DST: variants seen among roughly 807,000 people sequenced by gnomAD.
DST encodes the protein dystonin.
In DST, 253 loss-of-function variants were observed where a neutral mutation model predicts 875.2. That is an observed-to-expected ratio of 0.29 (90% confidence interval 0.26 to 0.32). The LOEUF (loss-of-function observed/expected upper bound fraction) is 0.32, where lower values mean the gene tolerates loss of function less well. Ranked by LOEUF, DST falls within the 10% of genes least tolerant of loss-of-function variation. The pLI, the probability that DST is intolerant of heterozygous loss-of-function variation, is 1.00. For synonymous variants in DST, 3,124 were observed against 3,197.1 expected (o/e 0.98, Z 0.77); for missense variants, 8,287 against 9,111.6 (o/e 0.91, Z 3.68).
chr6:56,803,308 G>A (rs1215430832), intron 4 of DST, among the ~76,000 whole-genome samples: 1 of 152,134 alleles, frequency 6.6e-6, no homozygotes, highest in Non-Finnish European at 1.5e-5. Context: ...TAAAATTTAT[G>A]CTGCAATCTT....
At chr6:56,521,254 A>G (rs903190499) in intron 69 of DST, among the ~76,000 whole-genome samples, 2 of 152,040 alleles carry the variant, frequency 1.3e-5, no homozygotes, top group African/African-American at 4.8e-5. Flanking sequence ...TAAGACTGAG[A>G]AAAACAGTTC....
At chr6:56,734,615 C>T (rs571389007) in intron 5 of DST, among the ~76,000 whole-genome samples, 6 of 152,098 alleles carry the variant, frequency 3.9e-5, no homozygotes, top group Non-Finnish European at 4.4e-5. Context: ...AATAACTCCA[C>T]GAAATTACAT....
At chr6:56,773,890 G>T (rs918988225) in intron 4 of DST, among the ~76,000 whole-genome samples, 2 of 152,052 alleles carry the variant, frequency 1.3e-5, no homozygotes, top group African/African-American at 4.8e-5. Context: ...GGCCGAGGCG[G>T]GTGGATCATT....
At chr6:56,725,423 G>A (rs773482591) in intron 5 of DST, among the ~76,000 whole-genome samples, 15 of 152,142 alleles carry the variant, frequency 9.9e-5, no homozygotes, top group Non-Finnish European at 2.2e-4. Context: ...AGTGAATGAG[G>A]TTCCCATCAG....
intron 15 of DST, chr6:56,642,972 T>C: frequency 7.3e-7 from 1 of 1,376,184 alleles, no homozygotes; most frequent in Non-Finnish European, 9.6e-7. Flanking sequence ...TGATAACTAT[T>C]CAAAAGAATC....
chr6:56,689,668 G>T (rs998392509), intron 9 of DST, among the ~76,000 whole-genome samples: 3 of 152,106 alleles, frequency 2.0e-5, no homozygotes, highest in African/African-American at 7.2e-5. Context: ...CTGACCCTTA[G>T]AATCACCTAC....
chr6:56,848,675 T>A (rs1254619130), intron 4 of DST, among the ~76,000 whole-genome samples: 2 of 152,180 alleles, frequency 1.3e-5, no homozygotes, highest in African/African-American at 4.8e-5. Context: ...CCCAAGTCTA[T>A]CCTCCATGTA....
chr6:56,476,184 T>C lies in DST; in HGVS notation c.21829A>G (p.Ile7277Val). ...GCAATGAGTGCTTTCACCTCTTCGATCTCCTGGGGGATGACTTCTTTATCC... is the reference window on the plus strand; with the variant it reads ...GCAATGAGTGCTTTCACCTCTTCGACCTCCTGGGGGATGACTTCTTTATCC... ...DKDKEVIPQE[I>V]EEVKALIAEH... Residue 7277 changes from isoleucine to valine, a missense_variant, in exon 92 of 104, where the codon ATC becomes GTC. Around this residue, in one of 10 missense-constraint regions of DST, gnomAD observed 1,292 missense variants for 1,552.7 expected, o/e 0.83. Coordinates refer to ENST00000680361, the MANE Select transcript of DST (RefSeq NM_001374736.1). The C allele has an allele frequency of 6.2e-7, 1 of 1,612,294 alleles. No individual in the cohort carries two copies. The highest frequency in any genetic ancestry group is 8.5e-7 in the Non-Finnish European group (1 of 1,179,198).
intron 36 of DST, chr6:56,616,745 C>T: frequency 6.2e-7 from 1 of 1,614,194 alleles, no homozygotes; most frequent in Non-Finnish European, 8.5e-7. Flanking sequence ...GATATGTTTA[C>T]CTTTTTGTCT....
intron 4 of DST, among the ~76,000 whole-genome samples, chr6:56,810,276 T>C (rs2099758328): frequency 6.6e-6 from 1 of 152,108 alleles, no homozygotes; most frequent in Non-Finnish European, 1.5e-5. Context: ...TGCCACTGCA[T>C]TCCAGCTTGG....
intron 4 of DST, among the ~76,000 whole-genome samples, chr6:56,832,640 G>A (rs899042441): frequency 5.3e-5 from 8 of 151,116 alleles, no homozygotes; most frequent in Admixed American, 6.6e-5. Context: ...TGCCTCTATA[G>A]CACAAACTAT....
intron 88 of DST, chr6:56,484,232 T>C (rs1373440913): frequency 6.6e-6 from 1 of 152,176 alleles, no homozygotes; most frequent in Non-Finnish European, 1.5e-5. Context: ...GAGAAGTTTG[T>C]ATTAACCATA....
At chr6:56,837,961 C>T (rs531656613) in intron 4 of DST, among the ~76,000 whole-genome samples, 51 of 151,686 alleles carry the variant, frequency 3.4e-4, no homozygotes, top group African/African-American at 1.2e-3. Flanking sequence ...CATTTGATCA[C>T]TTACTGAAAC....
intron 56 of DST, 124 bp downstream of exon 56, chr6:56,562,009 TATTAG>T: frequency 4.0e-6 from 2 of 495,850 alleles, no homozygotes; most frequent in South Asian, 5.2e-5. Flanking sequence ...AGATTGTGAC[TATTAG>T]ATTAAATACC....
intron 4 of DST, among the ~76,000 whole-genome samples, chr6:56,820,295 T>C (rs2099771589): frequency 6.6e-6 from 1 of 152,268 alleles, no homozygotes; most frequent in Non-Finnish European, 1.5e-5. Flanking sequence ...GTACATGTTC[T>C]GTAAGTGTTA....
At chr6:56,526,990 G>C (rs1486625452) in intron 68 of DST, among the ~76,000 whole-genome samples, 1 of 152,134 alleles carries the variant, frequency 6.6e-6, no homozygotes, top group Non-Finnish European at 1.5e-5. Flanking sequence ...TATCATGACA[G>C]TAGAATCATT....
chr6:56,458,948 A>G lies in DST; in HGVS notation c.*57T>C. On this transcript the variant is annotated 3_prime_UTR_variant, in exon 104 of 104. Transcript: ENST00000680361. ...CAAGAATTTCTACACCATATTTTAC[A>G]TCGTTCAAACTTAAATAATAAATGC... 6.8e-7 allele frequency: 1 copy of G among 1,463,872 alleles called. No individual in the cohort carries two copies. Among genetic ancestry groups the G allele is most frequent in the Non-Finnish European group, 9.1e-7 (1 of 1,102,828 alleles). 90.7% of individuals were successfully genotyped at this position (1,463,872 alleles called of 1,614,324 possible).
chr6:56,743,437 T>G (rs2099555117), intron 4 of DST, among the ~76,000 whole-genome samples: 1 of 152,184 alleles, frequency 6.6e-6, no homozygotes, highest in Admixed American at 6.5e-5. Context: ...TTGTACCAGA[T>G]CCTGCTGAGA....
intron 49 of DST, among the ~76,000 whole-genome samples, chr6:56,584,689 C>T (rs1246928102): frequency 6.6e-6 from 1 of 152,062 alleles, no homozygotes; most frequent in Admixed American, 6.5e-5. Flanking sequence ...AAAGGGAATG[C>T]TTCCCGTTTT....
Sources: gnomAD v4.1 joint callset for allele counts (sites outside exome capture counted in the v4.1 genomes callset) on GRCh38, gnomAD v4.1.1 for gene constraint, gnomAD v4.1.1 regional missense constraint, MANE v1.5 for transcripts, NCBI Gene and HGNC (gene_info 2026-07-23, HGNC 2026-07-21) for gene names.